PCDHGB5: variants seen among roughly 807,000 people sequenced by gnomAD.
PCDHGB5 encodes the protein protocadherin gamma subfamily B, 5.
PCDHGB5 carries 48 observed loss-of-function variants against 62.9 expected under a neutral mutation model. The ratio of observed to expected loss-of-function variants is 0.76; its 90% CI spans 0.61 to 0.97. PCDHGB5 has a LOEUF of 0.97. Ranked by LOEUF, PCDHGB5 falls within the 50% of genes least tolerant of loss-of-function variation. The probability of loss-of-function intolerance (pLI) is 0.00; values close to 1 mark genes in which losing one functional copy is unlikely to be tolerated. For synonymous variants in PCDHGB5, 474 were observed against 511.2 expected (o/e 0.93, Z 0.98); for missense variants, 1,118 against 1,198.6 (o/e 0.93, Z 0.99).
At position 141,489,646 on chromosome 5, in the gene PCDHGB5, C is replaced by A. The variant is rs1274955075; in HGVS notation, c.2398-5161C>A. 1.2e-6 allele frequency: 2 copies of A among 1,614,186 alleles called. No homozygotes were observed. The highest frequency in any genetic ancestry group is 2.7e-5 in the African/African-American group (2 of 75,048). On this transcript the variant is annotated intron_variant, in intron 1 of 3. Coordinates refer to ENST00000617380, the MANE Select transcript of PCDHGB5 (RefSeq NM_018925.3). This position sits in a 1 kb window ranked among gnomAD's most constrained non-coding sequence, Gnocchi z 4.5. Reference sequence around the variant, plus strand: ...TGACAACTCTCCTAGCTTTGCCACCCCTGAGCGAGAGATGCGCATCTCAGA... The same window carrying A: ...TGACAACTCTCCTAGCTTTGCCACCACTGAGCGAGAGATGCGCATCTCAGA...
intron 2 of PCDHGB5, among the ~76,000 whole-genome samples, chr5:141,503,985 T>C (rs1277024188): frequency 6.6e-6 from 1 of 152,150 alleles, no homozygotes; most frequent in African/African-American, 2.4e-5. Flanking sequence ...ACCCTTCTTC[T>C]TACCTTACAG....
intron 1 of PCDHGB5, chr5:141,419,440 C>T (rs368129873): frequency 1.9e-6 from 3 of 1,613,034 alleles, no homozygotes; most frequent in African/African-American, 2.7e-5. Context: ...AGCTGCGCAC[C>T]TTCGAGCTCA....
rs1036126623 is a variant in PCDHGB5, at chr5:141,410,753, T to A, written c.2397+10229T>A. On this transcript the variant is annotated intron_variant, in intron 1 of 3. Transcript: ENST00000617380. ...AGCTTTTTACAATATTTTCTCAATG[T>A]TTTTTCAATTATAGTTTTCACTATG... 4.1e-6 allele frequency: 5 copies of A among 1,229,696 alleles called. No individual in the cohort carries two copies. In the African/African-American group the frequency reaches 6.1e-5, roughly 15 times the overall value. 76.2% of individuals were successfully genotyped at this position (1,229,696 alleles called of 1,614,324 possible). A position where few individuals can be genotyped will look rare whatever the true frequency, so the allele number is the denominator to read the frequency against.
chr5:141,431,648 A>G lies in PCDHGB5; in HGVS notation c.2397+31124A>G. 2 of 1,614,240 alleles carry G rather than the reference A, an allele frequency of 1.2e-6. No individual in the cohort carries two copies. The highest frequency in any genetic ancestry group is 1.7e-6 in the Non-Finnish European group (2 of 1,180,046). On this transcript the variant is annotated intron_variant, in intron 1 of 3. Transcript: ENST00000617380. The surrounding 1 kb of genome is among the most constrained non-coding windows in gnomAD (Gnocchi z 4.8). ...GGCCCAAGTTTTCAAACTAGATTGT[A>G]ATTCAGGGACAATATCAACAATAGG...
At chr5:141,412,406 G>T (rs1278637068) in intron 1 of PCDHGB5, 1 of 152,046 alleles carries the variant, frequency 6.6e-6, no homozygotes, top group African/African-American at 2.4e-5. Context: ...ATCCCTGTAA[G>T]ATAAAGTATG....
chr5:141,399,797 G>C lies in PCDHGB5; in HGVS notation c.1670G>C (p.Arg557Pro), dbSNP rs760211919. The change falls in exon 1 of 4, where the codon CGG becomes CCG. Residue 557 changes from arginine (R) to proline (P), a missense_variant. Arg to Pro is a moderately radical substitution (Grantham distance 103, BLOSUM62 -2). Around this residue, in one of 2 missense-constraint regions of PCDHGB5, gnomAD observed 1,034 missense variants for 1,029.1 expected, o/e 1.00. Coordinates refer to ENST00000617380, the MANE Select transcript of PCDHGB5 (RefSeq NM_018925.3). ...LVGDRNDNAP[R>P]VLYPALGPDG... ...GGCGACCGAAACGACAACGCACCGC[G>C]GGTGCTGTACCCCGCGCTGGGTCCC... 4.3e-6 allele frequency: 7 copies of C among 1,613,192 alleles called. No homozygotes were observed. In the South Asian group the frequency reaches 7.7e-5, roughly 18 times the overall value.
chr5:141,402,714 T>G (rs1024254405), intron 1 of PCDHGB5, among the ~76,000 whole-genome samples: 2 of 152,220 alleles, frequency 1.3e-5, no homozygotes, highest in African/African-American at 4.8e-5. Flanking sequence ...TAGTAACGGC[T>G]TAGGACTCTG....
chr5:141,477,253 G>A lies in PCDHGB5; in HGVS notation c.2398-17554G>A, dbSNP rs1303718568. The A allele has an allele frequency of 1.9e-6, 3 of 1,614,154 alleles. No individual in the cohort carries two copies. The highest frequency in any genetic ancestry group is 2.2e-5 in the South Asian group (2 of 91,070). Reference sequence around the variant, plus strand: ...TCGCTTTGCTCAGTGTGACTGACCTGGATGCTGGCGAGAACGGGCTGGTGA... The same window carrying A: ...TCGCTTTGCTCAGTGTGACTGACCTAGATGCTGGCGAGAACGGGCTGGTGA... On this transcript the variant is annotated intron_variant, in intron 1 of 3. Transcript: ENST00000617380. This position sits in a 1 kb window ranked among gnomAD's most constrained non-coding sequence, Gnocchi z 4.9.
chr5:141,431,536 G>T lies in PCDHGB5; in HGVS notation c.2397+31012G>T. Reference sequence around the variant, plus strand: ...TTCCGGAGAATCTGGCCTTGGGCACGCAGCTGCTTGTAGTCAACGCTACCG... The same window carrying T: ...TTCCGGAGAATCTGGCCTTGGGCACTCAGCTGCTTGTAGTCAACGCTACCG... On this transcript the variant is annotated intron_variant, in intron 1 of 3. Coordinates refer to ENST00000617380, the MANE Select transcript of PCDHGB5 (RefSeq NM_018925.3). The surrounding 1 kb of genome is among the most constrained non-coding windows in gnomAD (Gnocchi z 4.8). 6.2e-7 allele frequency: 1 copy of T among 1,614,068 alleles called. No homozygotes were observed. Among genetic ancestry groups the T allele is most frequent in the Non-Finnish European group, 8.5e-7 (1 of 1,180,022 alleles).
intron 1 of PCDHGB5, among the ~76,000 whole-genome samples, chr5:141,488,854 A>G (rs923370040): frequency 1.3e-5 from 2 of 152,226 alleles, no homozygotes; most frequent in Admixed American, 1.3e-4. Context: ...AACCTGCAGC[A>G]CGAAGTGAGT....
Position 141,418,518 on chromosome 5 carries a change from C to G in PCDHGB5, c.2397+17994C>G. Reference sequence around the variant, plus strand: ...CTGACCGCCTTAGATGGTGGGGACCCTCCCCGAAGCGGTACTGCTCAGATA... The same window carrying G: ...CTGACCGCCTTAGATGGTGGGGACCGTCCCCGAAGCGGTACTGCTCAGATA... On this transcript the variant is annotated intron_variant, in intron 1 of 3. Coordinates refer to ENST00000617380, the MANE Select transcript of PCDHGB5 (RefSeq NM_018925.3). The G allele has an allele frequency of 2.5e-6, 4 of 1,613,986 alleles. 1 individual carries two copies.
In PCDHGB5 at chr5:141,509,341, G is replaced by C. The variant is rs552337350; in HGVS notation, c.2546-1606G>C. Among the ~76,000 whole-genome samples, 4 of 152,290 alleles carry C rather than the reference G, an allele frequency of 2.6e-5. No homozygotes were observed. The East Asian group carries it at 7.7e-4, about 29-fold the overall frequency. On this transcript the variant is annotated intron_variant, in intron 3 of 3. Transcript: ENST00000617380. ...GAAGCTCTACTGCCAGCTGGGCCTG[G>C]GCTGGCCTGGGCATCCCTGAGGTTT...
intron 1 of PCDHGB5, among the ~76,000 whole-genome samples, chr5:141,438,635 TAC>T (rs56854727): frequency 0.14 from 4,591 of 32,686 alleles, 460 homozygotes; most frequent in Middle Eastern, 0.21. Flanking sequence ...TATATATATA[TAC>T]ACACACACAC....
At chr5:141,404,950 C>T (rs2094588760) in intron 1 of PCDHGB5, 2 of 1,613,968 alleles carry the variant, frequency 1.2e-6, no homozygotes, top group East Asian at 4.5e-5. Flanking sequence ...CCATAGCTGA[C>T]AGCATCCCAG....
At chr5:141,495,400 C>T (rs554849650) in intron 2 of PCDHGB5, among the ~76,000 whole-genome samples, 4 of 152,278 alleles carry the variant, frequency 2.6e-5, no homozygotes, top group Non-Finnish European at 1.5e-5. Flanking sequence ...ATGGAGCAGG[C>T]CCCCTTCTCC....
intron 1 of PCDHGB5, among the ~76,000 whole-genome samples, chr5:141,439,043 G>T (rs1688170264): frequency 6.6e-6 from 1 of 151,346 alleles, no homozygotes; most frequent in Non-Finnish European, 1.5e-5. Flanking sequence ...CAGTTCATAA[G>T]ATTTCCATAT....
chr5:141,432,266 T>G lies in PCDHGB5; in HGVS notation c.2397+31742T>G. ...CACCATCCAAGGGGCAAGCCTATCG[T>G]CCTACGTGTCCATCAACTCCGACAC... On this transcript the variant is annotated intron_variant, in intron 1 of 3. Transcript: ENST00000617380. This position sits in a 1 kb window ranked among gnomAD's most constrained non-coding sequence, Gnocchi z 6.0. The G allele has an allele frequency of 6.2e-7, 1 of 1,614,214 alleles. No individual in the cohort carries two copies. Among genetic ancestry groups the G allele is most frequent in the East Asian group, 2.2e-5 (1 of 44,880 alleles).
At position 141,422,706 on chromosome 5, in the gene PCDHGB5, G is replaced by A. The variant is rs758922274; in HGVS notation, c.2397+22182G>A. On this transcript the variant is annotated intron_variant, in intron 1 of 3. Transcript: ENST00000617380. ...ATGCCCTGGTCACTTACTCTCTGAC[G>A]GATGACACTGTCCAGGGGGTGCCTC... The A allele has an allele frequency of 8.1e-6, 13 of 1,602,906 alleles. No homozygotes were observed. In the South Asian group the frequency reaches 1.5e-4, roughly 18 times the overall value.
At chr5:141,410,177 A>G in intron 1 of PCDHGB5, 1 of 1,613,626 alleles carries the variant, frequency 6.2e-7, no homozygotes, top group Non-Finnish European at 8.5e-7. Context: ...TGCCACCGCC[A>G]CGCTTCATCT....
Sources: allele counts gnomAD v4.1 joint callset (sites outside exome capture counted in the v4.1 genomes callset), GRCh38; gene constraint gnomAD v4.1.1; regional missense constraint gnomAD v4.1.1; non-coding constraint Gnocchi (gnomAD v3.1); transcripts MANE v1.5; gene names NCBI Gene and HGNC (gene_info 2026-07-23, HGNC 2026-07-21).